The following KRI1 variants were observed in gnomAD, a reference collection of about 807,000 sequenced individuals.
The protein encoded by KRI1 is KRI1 homolog.
A neutral mutation model predicts 97.0 loss-of-function variants in KRI1; 83 were observed. That is an observed-to-expected ratio of 0.86 (90% CI 0.72 to 1.03). The LOEUF (loss-of-function observed/expected upper bound fraction) is 1.03. Among genes scored for constraint, KRI1 ranks in the 50% least tolerant of loss-of-function variants. The pLI is 0.00. For synonymous variants in KRI1, 371 were observed against 363.5 expected, an observed-to-expected ratio of 1.02 and a Z score of -0.23; for missense variants, 916 against 928.4, an observed-to-expected ratio of 0.99 and a Z score of 0.17.
intron 2 of KRI1, 77 bp downstream of exon 2, chr19:10,565,640 C>T (rs1257072876): frequency 6.7e-7 from 1 of 1,484,120 alleles, no homozygotes; most frequent in African/African-American, 1.4e-5. Context: ...GGGGTTCCCC[C>T]CCGTCTACAT....
chr19:10,553,692 C>A lies in KRI1; in HGVS notation c.*259G>T. The A allele has an allele frequency of 2.3e-6, 1 of 431,098 alleles. No homozygotes were observed. Among genetic ancestry groups the A allele is most frequent in the African/African-American group, 2.0e-5 (1 of 49,340 alleles). The allele number at this position is 431,098 out of a possible 1,614,324, so 26.7% of individuals were successfully genotyped here. The stretch of plus-strand genomic sequence containing the variant: ...ATGGCCTTAAGTGATCTTCCTTCCC[C>A]AGCCTCCTGAGTAGCTGGGACTACA... On this transcript the variant is annotated 3_prime_UTR_variant, in exon 19 of 19. Transcript: ENST00000312962.
chr19:10,565,934 G>A lies in KRI1; in HGVS notation c.66C>T (p.Arg22=), dbSNP rs1211297823. The part of the protein sequence containing the change: ...VNAAFAARYN[R]YREREELQRL... The stretch of plus-strand genomic sequence containing the variant: ...GCTGCAGTTCCTCGCGCTCCCGGTA[G>A]CGGTTGTACCGCGCGGCAAACGCCG... The change falls in exon 1 of 19, where the codon CGC becomes CGT. Residue 22 remains arginine (R), a synonymous_variant. Coordinates refer to ENST00000312962, the MANE Select transcript of KRI1 (RefSeq NM_023008.5). 7.8e-6 allele frequency: 12 copies of A among 1,531,918 alleles called. No individual in the cohort carries two copies. The South Asian group carries it at 1.4e-4, about 18-fold the overall frequency. The allele number at this position is 1,531,918 out of a possible 1,614,324, so 94.9% of individuals were successfully genotyped here. A position where few individuals can be genotyped will look rare whatever the true frequency, so the allele number is the denominator to read the frequency against.
intron 3 of KRI1, 76 bp downstream of exon 3, chr19:10,564,853 C>G: frequency 1.1e-6 from 1 of 923,154 alleles, no homozygotes. Flanking sequence ...AGTCACTTCT[C>G]TGAATCCACA....
Position 10,553,237 on chromosome 19 carries a change from C to G in KRI1, c.*714G>C, listed in dbSNP as rs907618714. 1.2e-6 allele frequency: 1 copy of G among 849,122 alleles called. No individual in the cohort carries two copies. Among genetic ancestry groups the G allele is most frequent in the Non-Finnish European group, 1.7e-6 (1 of 578,396 alleles). The allele number at this position is 849,122 out of a possible 1,614,324, so 52.6% of individuals were successfully genotyped here. A position where few individuals can be genotyped will look rare whatever the true frequency, so the allele number is the denominator to read the frequency against. On this transcript the variant is annotated 3_prime_UTR_variant, in exon 19 of 19. Transcript: ENST00000312962. ...CAGCCAGGGACAGAGCCCACAGAGC[C>G]CATACACCTGTCTCCCACCAGCGGG... is the stretch of plus-strand genomic sequence containing the variant.
chr19:10,560,702 A>G (rs11672361), intron 8 of KRI1, among the ~76,000 whole-genome samples: 59,692 of 152,008 alleles, frequency 0.39, 13,036 homozygotes, highest in Non-Finnish European at 0.5. Context: ...AGTATTTGAG[A>G]CTACAGGTGC....
At position 10,554,741 on chromosome 19, in the gene KRI1, A is replaced by C. The variant is rs374826652; in HGVS notation, c.1781+346T>G. Among the ~76,000 whole-genome samples the C allele has an allele frequency of 2.6e-5, 4 of 152,130 alleles. No homozygotes were observed. The South Asian group carries it at 8.3e-4, about 32-fold the overall frequency. The stretch of plus-strand genomic sequence containing the variant: ...AGCTCTAAATAAACTGTGTGCATCT[A>C]TCACCCCTGCCTTCTAGACTGGGCG... On this transcript the variant is annotated intron_variant, in intron 18 of 18. Coordinates refer to ENST00000312962, the MANE Select transcript of KRI1 (RefSeq NM_023008.5).
chr19:10,558,217 T>C lies in KRI1; in HGVS notation c.1217A>G (p.Tyr406Cys), dbSNP rs767445550. Residue 406 changes from tyrosine (Y) to cysteine (C), a missense_variant, in exon 13 of 19, where the codon TAC becomes TGC. By Grantham distance (194) the Tyr-to-Cys change is radical (BLOSUM62 -2). This residue lies in a region of KRI1 where 672 missense variants were observed against 667.2 expected (regional missense o/e 1.01). Transcript: ENST00000312962. ...LMQKCFGDEY[Y>C]GAVEEEKPQF... The stretch of plus-strand genomic sequence containing the variant: ...TGGCTTCTCCTCCTCCACGGCCCCG[T>C]AGTACTCGTCCCCAAAGCACTTCTG... 1.2e-6 allele frequency: 2 copies of C among 1,614,066 alleles called. No homozygotes were observed. The highest frequency in any genetic ancestry group is 8.5e-7 in the Non-Finnish European group (1 of 1,179,992).
chr19:10,555,476 A>C (rs1478434238), intron 16 of KRI1, 127 bp from the exon 17 acceptor site: 1 of 960,146 alleles, frequency 1.0e-6, no homozygotes, highest in Non-Finnish European at 1.6e-6. Flanking sequence ...CATGATGGCC[A>C]GAGACAGCTG....
rs1477227122 is a variant in KRI1 at position 10,561,003 on chromosome 19, C to G, written c.663G>C (p.Leu221=). 6.2e-7 allele frequency: 1 copy of G among 1,612,784 alleles called. No individual in the cohort carries two copies. Among genetic ancestry groups the G allele is most frequent in the African/African-American group, 1.3e-5 (1 of 74,904 alleles). Residue 221 remains leucine, a splice_region_variant and synonymous_variant, in exon 8 of 19, where the codon CTG becomes CTC. Transcript: ENST00000312962. ...EIRNPDSLKE[L]THLKEYWNDP... is the part of the protein sequence containing the mutation. Reference sequence around the variant, plus strand: ...TCAGCGACCATGCGTGAGAACTCACCAGTTCCTTCAGGGAATCTGGGTTCC... The same window carrying G: ...TCAGCGACCATGCGTGAGAACTCACGAGTTCCTTCAGGGAATCTGGGTTCC...
In KRI1 at chr19:10,565,793, G is replaced by T; in HGVS notation, c.95-3C>A. 6.4e-7 allele frequency: 1 copy of T among 1,562,930 alleles called. No homozygotes were observed. ...TCGGTCCCCGTAGCGATCCTTCACT[G>T]CGGGACACAGACGGGATGCCCCCCC... On this transcript the variant is annotated splice_polypyrimidine_tract_variant and splice_region_variant and intron_variant, in intron 1 of 18. Transcript: ENST00000312962.
chr19:10,558,288 G>GCTGAGCC (rs758302065), intron 12 of KRI1, 49 bp from the exon 13 acceptor site: 12 of 1,577,018 alleles, frequency 7.6e-6, no homozygotes, highest in South Asian at 2.2e-5. Context: ...AGACATAGGA[G>GCTGAGCC]CTGAGCCCCC....
At chr19:10,565,178 G>A in intron 2 of KRI1, 144 bp from the exon 3 acceptor site, 1 of 672,608 alleles carries the variant, frequency 1.5e-6, no homozygotes, top group African/African-American at 1.8e-5. Context: ...AACAGCAGGA[G>A]GGAGAGGGGC....
At chr19:10,562,501 G>A (rs1599535957) in intron 4 of KRI1, among the ~76,000 whole-genome samples, 2 of 151,748 alleles carry the variant, frequency 1.3e-5, no homozygotes, top group East Asian at 4.0e-4. Context: ...ATCATGCCCA[G>A]CTAATTTTTA....
At chr19:10,558,118 A>T in intron 13 of KRI1, 46 bp downstream of exon 13, 1 of 1,612,262 alleles carries the variant, frequency 6.2e-7, no homozygotes. Context: ...CTTCAGTCCC[A>T]GTCCCCAGTC....
intron 12 of KRI1, among the ~76,000 whole-genome samples, 172 bp downstream of exon 12, chr19:10,559,187 T>G (rs1275764766): frequency 1.3e-5 from 2 of 151,894 alleles, no homozygotes; most frequent in African/African-American, 4.8e-5. Context: ...GTATTTTTAG[T>G]AGAGATGAGG....
At chr19:10,557,922 A>C (rs1221466318) in intron 14 of KRI1, 27 bp from the exon 15 acceptor site, 9 of 1,613,716 alleles carry the variant, frequency 5.6e-6, no homozygotes, top group Non-Finnish European at 7.6e-6. Context: ...GTCAGATCCC[A>C]CCAGCCCCCC....
In KRI1 at chr19:10,559,464, G is replaced by A. The variant is rs561935531; in HGVS notation, c.1089C>T (p.Ala363=). 25 of 1,613,996 alleles carry A rather than the reference G, an allele frequency of 1.5e-5. No individual in the cohort carries two copies. The African/African-American group carries it at 3.1e-4, about 20-fold the overall frequency. Residue 363 remains alanine (A), a synonymous_variant, in exon 12 of 19, where the codon GCC becomes GCT. Coordinates refer to ENST00000312962, the MANE Select transcript of KRI1 (RefSeq NM_023008.5). ...LKNLKRKEIL[A]KLEKLRKVTG... ...TTACTTTCCGCAGCTTCTCCAGCTT[G>A]GCCAGAATCTCCTTCCTCTTCAGGT...
Position 10,554,140 on chromosome 19 carries a change from G to T in KRI1, c.1923C>A (p.His641Gln). ...TCCGCTTCTGGGGGGCTGGCTTCTTGTGGGGTGATACAGGGGCTTCCTCTT... is the reference window on the plus strand; with the variant it reads ...TCCGCTTCTGGGGGGCTGGCTTCTTTTGGGGTGATACAGGGGCTTCCTCTT... ...AQEEEAPVSP[H>Q]KKPAPQKRRR... The change falls in exon 19 of 19, where the codon CAC becomes CAA. Residue 641 changes from histidine (H) to glutamine (Q), a missense_variant. By Grantham distance (24) the His-to-Gln change is conservative. This residue lies in a region of KRI1 where 672 missense variants were observed against 667.2 expected (regional missense o/e 1.01). Transcript: ENST00000312962. 6.2e-7 allele frequency: 1 copy of T among 1,614,132 alleles called. No homozygotes were observed.
chr19:10,554,045 C>G lies in KRI1; in HGVS notation c.2018G>C (p.Arg673Thr). The G allele has an allele frequency of 6.2e-7, 1 of 1,614,198 alleles. No homozygotes were observed. The highest frequency in any genetic ancestry group is 8.5e-7 in the Non-Finnish European group (1 of 1,180,042). ...MLGGCEFSRQ[R>T]LQAFGLNPKR... Reference sequence around the variant, plus strand: ...GGGGTTGAGGCCAAAGGCCTGCAGTCTCTGGCGGCTGAACTCGCATCCACC... The same window carrying G: ...GGGGTTGAGGCCAAAGGCCTGCAGTGTCTGGCGGCTGAACTCGCATCCACC... Residue 673 changes from arginine (R) to threonine (T), a missense_variant, in exon 19 of 19, where the codon AGA becomes ACA. By Grantham distance (71) the Arg-to-Thr change is moderately conservative. This residue lies in a region of KRI1 where 672 missense variants were observed against 667.2 expected (regional missense o/e 1.01). Transcript: ENST00000312962.
Sources: allele counts gnomAD v4.1 joint callset (sites outside exome capture counted in the v4.1 genomes callset), GRCh38; gene constraint gnomAD v4.1.1; regional missense constraint gnomAD v4.1.1; transcripts MANE v1.5; gene names NCBI Gene and HGNC (gene_info 2026-07-23, HGNC 2026-07-21).